Variants in PLXDC2 observed in about 807,000 individuals in gnomAD.
PLXDC2 encodes plexin domain-containing protein 2.
Under a neutral mutation model 68.9 loss-of-function variants are expected in PLXDC2, and 40 were observed. The ratio of observed to expected loss-of-function variants is 0.58; its 90% CI spans 0.45 to 0.76. PLXDC2 has a LOEUF of 0.76. Among genes scored for constraint, PLXDC2 ranks in the 30% least tolerant of loss-of-function variants. The probability of loss-of-function intolerance (pLI) is 0.00; values close to 1 mark genes in which losing one functional copy is unlikely to be tolerated. For synonymous variants in PLXDC2, 243 were observed against 234.2 expected (o/e 1.04, Z -0.34); for missense variants, 644 against 661.9 (o/e 0.97, Z 0.30).
At position 20,217,596 on chromosome 10, in the gene PLXDC2, CTTT is replaced by C. The variant is rs66483508; in HGVS notation, c.1273+46_1273+48del. On this transcript the variant is annotated intron_variant, in intron 11 of 13. Coordinates refer to ENST00000377252, the MANE Select transcript of PLXDC2 (RefSeq NM_032812.9). ...CAGAAGGTACCCAAGAGATAGTTTG[CTTT>C]TTTTTTTTTTTTTTTTTTTTTTTTT... The C allele has an allele frequency of 0.16, 121,679 of 776,774 alleles. 1,174 individuals are homozygous for C. The highest frequency in any genetic ancestry group is 0.27 in the African/African-American group (7,601 of 28,338). The allele number at this position is 776,774 out of a possible 1,614,324, so 48.1% of individuals were successfully genotyped here. A position where few individuals can be genotyped will look rare whatever the true frequency, so the allele number is the denominator to read the frequency against.
At chr10:19,824,543 T>A (rs1441365351) in intron 1 of PLXDC2, among the ~76,000 whole-genome samples, 1 of 152,118 alleles carries the variant, frequency 6.6e-6, no homozygotes, top group African/African-American at 2.4e-5. Context: ...GCTGTAATTA[T>A]CTCTGTAGAG....
chr10:20,151,088 C>T (rs1834146482), intron 6 of PLXDC2, among the ~76,000 whole-genome samples: 1 of 152,160 alleles, frequency 6.6e-6, no homozygotes, highest in South Asian at 2.1e-4. Context: ...CGATACAAAG[C>T]AGTTTCTACT....
At chr10:19,899,646 C>T (rs971750579) in intron 1 of PLXDC2, among the ~76,000 whole-genome samples, 21 of 152,182 alleles carry the variant, frequency 1.4e-4, no homozygotes, top group African/African-American at 5.1e-4. Flanking sequence ...GAAAGTATCA[C>T]TAAATTCTTA....
At chr10:19,848,658 A>G (rs1589498978) in intron 1 of PLXDC2, among the ~76,000 whole-genome samples, 1 of 152,178 alleles carries the variant, frequency 6.6e-6, no homozygotes, top group East Asian at 1.9e-4. Flanking sequence ...ATTTCCAAAC[A>G]TCTTCCATGT....
intron 9 of PLXDC2, among the ~76,000 whole-genome samples, chr10:20,189,347 G>T (rs1246287307): frequency 6.7e-6 from 1 of 150,196 alleles, no homozygotes; most frequent in Non-Finnish European, 1.5e-5. Context: ...CTGGCATAAA[G>T]AGAAATACGT....
intron 12 of PLXDC2, among the ~76,000 whole-genome samples, chr10:20,245,079 A>C (rs1835571025): frequency 6.6e-6 from 1 of 152,152 alleles, no homozygotes; most frequent in Non-Finnish European, 1.5e-5. Flanking sequence ...ATGCCTTTGC[A>C]CTCTAGCCTG....
chr10:20,158,868 C>T (rs980556335), intron 6 of PLXDC2, among the ~76,000 whole-genome samples: 6 of 152,020 alleles, frequency 3.9e-5, no homozygotes, highest in Non-Finnish European at 8.8e-5. Flanking sequence ...TCACCTTTTC[C>T]TCATTAATCT....
At chr10:20,250,210 G>A (rs1028658234) in intron 13 of PLXDC2, among the ~76,000 whole-genome samples, 7 of 149,210 alleles carry the variant, frequency 4.7e-5, no homozygotes, top group African/African-American at 1.7e-4. Context: ...GGAGGTTGTA[G>A]TGAGCCAAGA....
chr10:20,041,417 A>C lies in PLXDC2; in HGVS notation c.325-5452A>C, dbSNP rs1204302557. ...CTTATTGAATTTTTTTCCTCCATAT[A>C]GATAACTCAATTTATCTTTCTAGAG... On this transcript the variant is annotated intron_variant, in intron 2 of 13. Coordinates refer to ENST00000377252, the MANE Select transcript of PLXDC2 (RefSeq NM_032812.9). Among the ~76,000 whole-genome samples the C allele has an allele frequency of 3.3e-5, 5 of 152,284 alleles. No individual in the cohort carries two copies. The East Asian group carries it at 9.7e-4, about 29-fold the overall frequency.
intron 6 of PLXDC2, among the ~76,000 whole-genome samples, chr10:20,162,549 G>A (rs1199882541): frequency 6.6e-6 from 1 of 152,072 alleles, no homozygotes; most frequent in East Asian, 1.9e-4. Flanking sequence ...TTAAAAATGA[G>A]ATGATCATGT....
chr10:20,118,674 A>C (rs1833654376), intron 4 of PLXDC2, among the ~76,000 whole-genome samples: 1 of 152,204 alleles, frequency 6.6e-6, no homozygotes, highest in East Asian at 1.9e-4. Flanking sequence ...GGTAATTTTA[A>C]GGAAATTACA....
At chr10:19,963,920 C>T (rs1004764621) in intron 1 of PLXDC2, among the ~76,000 whole-genome samples, 1 of 151,990 alleles carries the variant, frequency 6.6e-6, no homozygotes, top group African/African-American at 2.4e-5. Flanking sequence ...CAGTCTGCTT[C>T]TTGGGGAAGG....
chr10:20,232,019 T>A lies in PLXDC2; in HGVS notation c.1312+12917T>A, dbSNP rs531036853. On this transcript the variant is annotated intron_variant, in intron 12 of 13. Coordinates refer to ENST00000377252, the MANE Select transcript of PLXDC2 (RefSeq NM_032812.9). Reference sequence around the variant, plus strand: ...GGACCCTATCTCAAAAAAAAAAAAATTAAATTCTGTGTTCATCAAAAACTC... The same window carrying A: ...GGACCCTATCTCAAAAAAAAAAAAAATAAATTCTGTGTTCATCAAAAACTC... Among the ~76,000 whole-genome samples, 78 of 141,394 alleles carry A rather than the reference T, an allele frequency of 5.5e-4. 2 individuals carry two copies. The South Asian group carries it at 8.4e-3, about 15-fold the overall frequency. The allele number at this position is 141,394 out of a possible 152,430, so 92.8% of individuals were successfully genotyped here. A position where few individuals can be genotyped will look rare whatever the true frequency, so the allele number is the denominator to read the frequency against.
intron 9 of PLXDC2, among the ~76,000 whole-genome samples, chr10:20,203,617 G>A (rs753365878): frequency 2.6e-5 from 4 of 151,530 alleles, no homozygotes; most frequent in African/African-American, 7.3e-5. Context: ...AGCCCAATAC[G>A]AATTTTTTTT....
intron 2 of PLXDC2, among the ~76,000 whole-genome samples, chr10:20,018,825 GT>G (rs1835256017): frequency 6.6e-6 from 1 of 152,118 alleles, no homozygotes; most frequent in African/African-American, 2.4e-5. Flanking sequence ...CTGTTCTATG[GT>G]GATTACTAGT....
chr10:19,820,673 C>A lies in PLXDC2; in HGVS notation c.112+3482C>A, dbSNP rs114249233. On this transcript the variant is annotated intron_variant, in intron 1 of 13. Coordinates refer to ENST00000377252, the MANE Select transcript of PLXDC2 (RefSeq NM_032812.9). ...AAAAAAAAGAAAAGAAAATATGTGT[C>A]CTTATCAATTAGTTTTGTCATTTTT... is the stretch of plus-strand genomic sequence containing the variant. Among the ~76,000 whole-genome samples, 681 of 151,420 alleles carry A rather than the reference C, an allele frequency of 4.5e-3. 4 individuals carry two copies. The highest frequency in any genetic ancestry group is 0.016 in the African/African-American group (649 of 41,064).
At chr10:20,208,705 A>G (rs1835026517) in intron 9 of PLXDC2, among the ~76,000 whole-genome samples, 1 of 152,156 alleles carries the variant, frequency 6.6e-6, no homozygotes, top group Admixed American at 6.6e-5. Context: ...GGTAATTAAG[A>G]CATAAGTATC....
intron 5 of PLXDC2, among the ~76,000 whole-genome samples, chr10:20,146,000 G>A (rs7478383): frequency 6.6e-6 from 1 of 152,110 alleles, no homozygotes; most frequent in Admixed American, 6.5e-5. Flanking sequence ...ATGCAGGAAT[G>A]TCTTGAAGGC....
At chr10:20,164,433 T>C (rs1489517954) in intron 6 of PLXDC2, 35 bp from the exon 7 acceptor site, 1 of 1,513,174 alleles carries the variant, frequency 6.6e-7, no homozygotes, top group South Asian at 1.1e-5. Flanking sequence ...GAAATTCAGA[T>C]CTAACATATA....
Sources: allele counts gnomAD v4.1 joint callset (sites outside exome capture counted in the v4.1 genomes callset), GRCh38; gene constraint gnomAD v4.1.1; transcripts MANE v1.5; gene names NCBI Gene and HGNC (gene_info 2026-07-23, HGNC 2026-07-21).